LRP5: variants seen among roughly 807,000 people sequenced by gnomAD.
The protein encoded by LRP5 is LDL receptor related protein 5, also known as low-density lipoprotein receptor-related protein 5.
In LRP5, 62 loss-of-function variants were observed where a neutral mutation model predicts 154.1. The ratio of observed to expected loss-of-function variants is 0.40; its 90% confidence interval spans 0.33 to 0.50. LRP5 has a LOEUF of 0.50. LRP5 is among the 20% of genes least tolerant of loss of function. The probability of loss-of-function intolerance (pLI) is 0.55; values close to 1 mark genes in which losing one functional copy is unlikely to be tolerated. For synonymous variants in LRP5, 966 were observed against 1,011.5 expected, an observed-to-expected ratio of 0.96 and a Z score of 0.85; for missense variants, 1,915 against 2,336.7, an observed-to-expected ratio of 0.82 and a Z score of 3.72.
intron 21 of LRP5, among the ~76,000 whole-genome samples, chr11:68,443,585 A>ATATATTT (rs1259673892): frequency 4.0e-4 from 10 of 24,844 alleles, no homozygotes; most frequent in African/African-American, 1.3e-3. Context: ...ATATATATAT[A>ATATATTT]TTTTTTTTTT....
chr11:68,438,379 T>C, intron 19 of LRP5, 67 bp from the exon 20 acceptor site: 1 of 1,427,064 alleles, frequency 7.0e-7, no homozygotes, highest in East Asian at 2.3e-5. Flanking sequence ...GCACGGTGTC[T>C]GCCCCCAAGG....
intron 5 of LRP5, among the ~76,000 whole-genome samples, chr11:68,375,327 A>T (rs1291416736): frequency 1.3e-5 from 2 of 152,124 alleles, no homozygotes; most frequent in Non-Finnish European, 2.9e-5. Flanking sequence ...GCAGAGAGAC[A>T]CTAGAAGGCT....
rs781728966 is a variant in LRP5, at chr11:68,386,362, G to T, written c.1062G>T (p.Arg354Ser). 1 of 1,613,492 alleles carries T rather than the reference G, an allele frequency of 6.2e-7. No homozygotes were observed. The highest frequency in any genetic ancestry group is 8.5e-7 in the Non-Finnish European group (1 of 1,180,014). ...LLLARRTDLR[R>S]ISLDTPDFTD... ...TGGCCCGGCGGACGGACCTACGGAGGATCTCGCTGGACACGCCGGACTTCA... is the reference window on the plus strand; with the variant it reads ...TGGCCCGGCGGACGGACCTACGGAGTATCTCGCTGGACACGCCGGACTTCA... The change falls in exon 6 of 23, where the codon AGG (arginine) becomes AGT (serine). Residue 354 changes from arginine (R) to serine (S), a missense_variant. By Grantham distance (110) the Arg-to-Ser change is moderately radical (BLOSUM62 -1). Around this residue, in one of 3 missense-constraint regions of LRP5, gnomAD observed 773 missense variants for 1,100.9 expected, o/e 0.70. Transcript: ENST00000294304. The surrounding 1 kb of genome is among the most constrained non-coding windows in gnomAD (Gnocchi z 7.9).
intron 17 of LRP5, among the ~76,000 whole-genome samples, chr11:68,432,625 G>A (rs900644820): frequency 3.3e-5 from 5 of 152,194 alleles, no homozygotes; most frequent in South Asian, 2.1e-4. Context: ...TCAGCTTGGC[G>A]GGGGCTTTGC....
intron 5 of LRP5, among the ~76,000 whole-genome samples, chr11:68,380,673 C>T (rs2098639786): frequency 1.3e-5 from 2 of 152,050 alleles, no homozygotes. Flanking sequence ...CGCAGTGGGG[C>T]GTGTCCTGCA....
intron 13 of LRP5, among the ~76,000 whole-genome samples, chr11:68,419,413 T>C (rs985761059): frequency 6.6e-6 from 1 of 151,892 alleles, no homozygotes; most frequent in Non-Finnish European, 1.5e-5. Flanking sequence ...TTTGTATTTT[T>C]TTTTTATTGT....
rs549523622 is a variant in LRP5 at position 68,369,032 on chromosome 11, T to C, written c.1015+3330T>C. On this transcript the variant is annotated intron_variant, in intron 5 of 22. Transcript: ENST00000294304. ...TTTGTATGTTTAGTAGAGATGGGGT[T>C]TCACCATGTTGGCTAGGCTGGTCTT... is the stretch of plus-strand genomic sequence containing the variant. Among the ~76,000 whole-genome samples, 13 of 152,212 alleles carry C rather than the reference T, an allele frequency of 8.5e-5. No homozygotes were observed. In the East Asian group the frequency reaches 1.7e-3, roughly 20 times the overall value.
At position 68,405,064 on chromosome 11, in the gene LRP5, C is replaced by T. The variant is rs147030017; in HGVS notation, c.1801+1365C>T. Among the ~76,000 whole-genome samples the T allele has an allele frequency of 2.3e-4, 35 of 149,972 alleles. 2 individuals carry two copies. Among genetic ancestry groups the T allele is most frequent in the Admixed American group, 2.2e-3 (33 of 15,026 alleles). On this transcript the variant is annotated intron_variant, in intron 8 of 22. Transcript: ENST00000294304. ...AATCTCACTACTCGAGAGGCTGAGG[C>T]GGAGAATTGCTTGAACCCAGGAGGT...
At chr11:68,354,690 GC>G (rs1186302373) in intron 2 of LRP5, among the ~76,000 whole-genome samples, 2 of 152,256 alleles carry the variant, frequency 1.3e-5, no homozygotes, top group Admixed American at 1.3e-4. Context: ...TCATATGATG[GC>G]CGGGCTCGGG....
rs756103866 is a variant in LRP5 at position 68,425,304 on chromosome 11, G to A, written c.3427+12G>A. The A allele has an allele frequency of 9.4e-6, 15 of 1,599,610 alleles. No individual in the cohort carries two copies. The highest frequency in any genetic ancestry group is 4.0e-5 in the African/African-American group (3 of 74,812). ...CTGTGACCTGTCAGGTACGCGCCCC[G>A]GGGCCTGCCCTAACCGCAGACACCC... On this transcript the variant is annotated intron_variant, in intron 15 of 22. Coordinates refer to ENST00000294304, the MANE Select transcript of LRP5 (RefSeq NM_002335.4).
chr11:68,438,124 C>T lies in LRP5; in HGVS notation c.4112-322C>T, dbSNP rs559677775. 7.2e-5 allele frequency among the ~76,000 whole-genome samples: 11 copies of T among 152,264 alleles called. No homozygotes were observed. The East Asian group carries it at 1.7e-3, about 24-fold the overall frequency. On this transcript the variant is annotated intron_variant, in intron 19 of 22. Coordinates refer to ENST00000294304, the MANE Select transcript of LRP5 (RefSeq NM_002335.4). ...CCAACATCACCTGGGCTGGCCAGGG[C>T]GCGCTCACTTCTGCCACCACCGAGG...
At chr11:68,343,404 A>C (rs1413256294) in intron 1 of LRP5, among the ~76,000 whole-genome samples, 2 of 151,660 alleles carry the variant, frequency 1.3e-5, no homozygotes, top group African/African-American at 2.4e-5. Flanking sequence ...GTGTCTGAGG[A>C]GGTGGACCAG....
chr11:68,370,613 G>A (rs116590970), intron 5 of LRP5, among the ~76,000 whole-genome samples: 121 of 152,312 alleles, frequency 7.9e-4, no homozygotes, highest in African/African-American at 2.7e-3. Context: ...GGCTGAGCAC[G>A]CAGCTCCACG....
intron 2 of LRP5, among the ~76,000 whole-genome samples, chr11:68,350,069 G>A (rs1188422448): frequency 6.6e-6 from 1 of 152,166 alleles, no homozygotes. Context: ...CGGTTGAGGG[G>A]CCGGCCTAGA....
chr11:68,362,095 A>C (rs1208982058), intron 3 of LRP5, among the ~76,000 whole-genome samples: 1 of 152,246 alleles, frequency 6.6e-6, no homozygotes, highest in African/African-American at 2.4e-5. Flanking sequence ...TTCACCCCTA[A>C]AACGGGATGA....
chr11:68,402,302 G>A (rs1177103109), intron 7 of LRP5, among the ~76,000 whole-genome samples: 4 of 152,180 alleles, frequency 2.6e-5, no homozygotes, highest in Admixed American at 2.0e-4. Context: ...GCGGCTGTAT[G>A]CTTCCGTTGG....
intron 21 of LRP5, 25 bp downstream of exon 21, chr11:68,439,941 CG>C: frequency 2.3e-6 from 1 of 427,370 alleles, no homozygotes; most frequent in Non-Finnish European, 4.5e-6. Flanking sequence ...CGGGGAGGGG[CG>C]GGGCGGGATG....
intron 21 of LRP5, among the ~76,000 whole-genome samples, chr11:68,443,591 T>A (rs200333609): frequency 0.014 from 1,163 of 86,084 alleles, 1 homozygote; most frequent in East Asian, 0.033. Context: ...ATATATTTTT[T>A]TTTTTTTTGG....
At chr11:68,410,785 A>G (rs559533082) in intron 10 of LRP5, among the ~76,000 whole-genome samples, 8 of 152,270 alleles carry the variant, frequency 5.3e-5, no homozygotes, top group Admixed American at 5.2e-4. Context: ...TGGTGGACAC[A>G]GTGCTCACCC....
Sources: gnomAD v4.1 joint callset for allele counts (sites outside exome capture counted in the v4.1 genomes callset) on GRCh38, gnomAD v4.1.1 for gene constraint, gnomAD v4.1.1 regional missense constraint, Gnocchi (gnomAD v3.1) non-coding constraint, MANE v1.5 for transcripts, NCBI Gene and HGNC (gene_info 2026-07-23, HGNC 2026-07-21) for gene names.